Variants in ADCY7 observed in about 807,000 individuals in gnomAD.
The protein encoded by ADCY7 is adenylate cyclase 7.
In ADCY7, 72 loss-of-function variants were observed where a neutral mutation model predicts 120.6. The observed-to-expected ratio is 0.60, with a 90% CI of 0.49 to 0.73. ADCY7 has a LOEUF of 0.73. Ranked by LOEUF, ADCY7 falls within the 30% of genes least tolerant of loss-of-function variation. ADCY7 has a pLI of 0.00. For synonymous variants in ADCY7, 661 were observed against 628.0 expected (o/e 1.05, Z -0.78); for missense variants, 1,227 against 1,486.0 (o/e 0.83, Z 2.87).
At chr16:50,253,652 G>A (rs559298751) in intron 1 of ADCY7, among the ~76,000 whole-genome samples, 16 of 152,306 alleles carry the variant, frequency 1.1e-4, no homozygotes, top group South Asian at 2.1e-4. Flanking sequence ...GGCACTGAGC[G>A]CTTTCCACTG....
intron 1 of ADCY7, among the ~76,000 whole-genome samples, chr16:50,282,066 C>A (rs532584340): frequency 9.9e-5 from 15 of 152,218 alleles, no homozygotes; most frequent in African/African-American, 2.2e-4. Context: ...GCTTCCATGC[C>A]CCCCTCACTC....
chr16:50,307,001 G>A (rs1328273211), intron 14 of ADCY7, 49 bp from the exon 15 acceptor site: 2 of 1,464,672 alleles, frequency 1.4e-6, no homozygotes, highest in Non-Finnish European at 1.9e-6. Context: ...GGCAGGGTGG[G>A]CAAGTGGCAC....
At chr16:50,249,775 T>C (rs992189606) in intron 1 of ADCY7, among the ~76,000 whole-genome samples, 1 of 152,216 alleles carries the variant, frequency 6.6e-6, no homozygotes, top group Non-Finnish European at 1.5e-5. Flanking sequence ...GTGGTGGGCA[T>C]CTGGCCAGGG....
rs879788529 is a variant in ADCY7 at position 50,294,941 on chromosome 16, C to T, written c.948+190C>T. Among the ~76,000 whole-genome samples the T allele has an allele frequency of 9.2e-5, 14 of 152,152 alleles. No homozygotes were observed. The South Asian group carries it at 1.4e-3, about 16-fold the overall frequency. ...GAGTGGTGGCCACGGCAGCCAGGAT[C>T]CTGTGCCCCCAGAGTGACAGGCCAG... On this transcript the variant is annotated intron_variant, in intron 7 of 25. Coordinates refer to ENST00000673801, the MANE Select transcript of ADCY7 (RefSeq NM_001114.5).
chr16:50,296,070 T>G (rs562535570), intron 7 of ADCY7, among the ~76,000 whole-genome samples: 1 of 152,326 alleles, frequency 6.6e-6, no homozygotes, highest in South Asian at 2.1e-4. Flanking sequence ...GTTTTGTTTT[T>G]GAGACAGAGT....
intron 11 of ADCY7, 34 bp downstream of exon 11, chr16:50,304,585 T>TG (rs1249591197): frequency 6.6e-7 from 1 of 1,513,476 alleles, no homozygotes. Context: ...AGCCAGGGAT[T>TG]GGGGCCCCAA....
upstream of ADCY7, among the ~76,000 whole-genome samples, chr16:50,262,807 G>A (rs1031300148): frequency 2.6e-5 from 4 of 152,198 alleles, no homozygotes; most frequent in Admixed American, 6.5e-5. Flanking sequence ...GTGCCCTGGC[G>A]CCTCTACCAA....
intron 10 of ADCY7, 73 bp from the exon 11 acceptor site, chr16:50,304,287 A>C: frequency 7.5e-7 from 1 of 1,325,686 alleles, no homozygotes; most frequent in Non-Finnish European, 9.8e-7. Context: ...GGAGAGCTGG[A>C]TGGGGATGGC....
intron 1 of ADCY7, among the ~76,000 whole-genome samples, chr16:50,272,777 T>C (rs4785398): frequency 0.33 from 50,411 of 151,912 alleles, 9,010 homozygotes; most frequent in Admixed American, 0.42. Context: ...CCTCCTTCTG[T>C]GTGTGTGCGC....
intron 1 of ADCY7, among the ~76,000 whole-genome samples, chr16:50,260,010 C>T (rs1371413474): frequency 6.6e-6 from 1 of 152,324 alleles, no homozygotes; most frequent in South Asian, 2.1e-4. Flanking sequence ...GTGTCTCCAT[C>T]GAGCTGTGCT....
At chr16:50,293,978 G>C (rs192392037) in intron 6 of ADCY7, among the ~76,000 whole-genome samples, 29 of 152,270 alleles carry the variant, frequency 1.9e-4, no homozygotes, top group African/African-American at 4.1e-4. Context: ...TGGGTGCTGG[G>C]TGCCGTTGAG....
At chr16:50,271,595 C>T (rs898652367) in intron 1 of ADCY7, among the ~76,000 whole-genome samples, 3 of 152,178 alleles carry the variant, frequency 2.0e-5, no homozygotes, top group African/African-American at 7.2e-5. Flanking sequence ...TGAGGCCCTC[C>T]CAGACCGGGC....
chr16:50,298,073 C>A (rs2035473121), intron 7 of ADCY7, among the ~76,000 whole-genome samples: 1 of 151,986 alleles, frequency 6.6e-6, no homozygotes, highest in African/African-American at 2.4e-5. Context: ...TCCTATGAGT[C>A]CCCACCCTCG....
At chr16:50,270,176 C>CAGATAGATAGATAGATAGATAGAT (rs35858506) in intron 1 of ADCY7, among the ~76,000 whole-genome samples, 56 of 141,310 alleles carry the variant, frequency 4.0e-4, no homozygotes, top group Non-Finnish European at 5.5e-4. Context: ...GACCCTGTCT[C>CAGATAGATAGATAGATAGATAGAT]AGATAGATAG....
rs776764133 is a variant in ADCY7 at position 50,308,751 on chromosome 16, C to T, written c.2020C>T (p.Leu674=). The part of the protein sequence containing the change: ...QPLLRLTLAV[L]TIGSLLTVAI... ...CCTGCTGAGGCTGACCCTGGCCGTC[C>T]TGACCATCGGCAGCCTGCTCACTGT... The change falls in exon 17 of 26, where the codon CTG becomes TTG. Residue 674 remains leucine (L), a synonymous_variant. Transcript: ENST00000673801. 2.9e-5 allele frequency: 47 copies of T among 1,612,964 alleles called. No homozygotes were observed. Among genetic ancestry groups the T allele is most frequent in the Non-Finnish European group, 3.8e-5 (45 of 1,179,920 alleles).
chr16:50,290,427 G>T (rs747414618), intron 2 of ADCY7, 30 bp from the exon 3 acceptor site: 1 of 1,612,314 alleles, frequency 6.2e-7, no homozygotes, highest in Non-Finnish European at 8.5e-7. Flanking sequence ...GGGGAAAGCC[G>T]AGGCATTCCT....
At chr16:50,314,557 A>C (rs2036685680) in intron 24 of ADCY7, 151 bp downstream of exon 24, 4 of 611,162 alleles carry the variant, frequency 6.5e-6, no homozygotes, top group Admixed American at 5.8e-5. Context: ...AATTATTCTG[A>C]TGTTTTGCAT....
intron 3 of ADCY7, among the ~76,000 whole-genome samples, chr16:50,291,204 C>T (rs1567554155): frequency 6.6e-6 from 1 of 152,106 alleles, no homozygotes; most frequent in Non-Finnish European, 1.5e-5. Context: ...ACCAGTGGGC[C>T]TGGGTCCTAT....
chr16:50,304,017 T>G (rs2035901005), intron 10 of ADCY7, among the ~76,000 whole-genome samples: 1 of 151,924 alleles, frequency 6.6e-6, no homozygotes, highest in Non-Finnish European at 1.5e-5. Flanking sequence ...GCCTCGGGCT[T>G]GGGACCCAAG....
Sources: gnomAD v4.1 joint callset for allele counts (sites outside exome capture counted in the v4.1 genomes callset) on GRCh38, gnomAD v4.1.1 for gene constraint, MANE v1.5 for transcripts, NCBI Gene and HGNC (gene_info 2026-07-23, HGNC 2026-07-21) for gene names.